Variants in AK2 observed in about 807,000 individuals in gnomAD.
AK2 encodes adenylate kinase 2, mitochondrial.
Under a neutral mutation model 24.6 loss-of-function variants are expected in AK2, and 15 were observed. That is an observed-to-expected ratio of 0.61 (90% CI 0.41 to 0.94). AK2 has a LOEUF of 0.94. AK2 is among the 40% of genes least tolerant of loss of function. AK2 has a pLI of 0.00. For missense variants in AK2, 257 were observed against 304.1 expected (o/e 0.85, Z 1.15); for synonymous variants, 102 against 114.0 (o/e 0.90, Z 0.67).
chr1:33,022,763 C>A (rs1639640930), intron 2 of AK2, among the ~76,000 whole-genome samples: 2 of 152,152 alleles, frequency 1.3e-5, no homozygotes, highest in South Asian at 4.1e-4. Flanking sequence ...AAGTCTCCAG[C>A]CTGTAGTGAA....
At chr1:33,033,172 A>G (rs763576435) in intron 1 of AK2, among the ~76,000 whole-genome samples, 6 of 95,028 alleles carry the variant, frequency 6.3e-5, no homozygotes, top group Non-Finnish European at 1.6e-4. Context: ...AAAAAAAAAA[A>G]AGAAAAGAAA....
intron 1 of AK2, chr1:33,032,565 C>G (rs1188262494): frequency 6.6e-6 from 1 of 152,096 alleles, no homozygotes; most frequent in African/African-American, 2.4e-5. Flanking sequence ...GACCAGGGAA[C>G]AATATAATTA....
At chr1:33,017,493 T>C (rs1228769129) in intron 4 of AK2, among the ~76,000 whole-genome samples, 3 of 152,200 alleles carry the variant, frequency 2.0e-5, no homozygotes, top group African/African-American at 7.2e-5. Flanking sequence ...TTTTACCTTC[T>C]AGAGAGCACA....
rs757812264 is a variant in AK2 at position 33,009,593 on chromosome 1, A to C, written c.*3588T>G. On this transcript the variant is annotated 3_prime_UTR_variant, in exon 6 of 6. Transcript: ENST00000672715. The stretch of plus-strand genomic sequence containing the variant: ...TTCATTTAATGCCATTAAGGCCAAG[A>C]AGGTGGCATAACCAACTTCCTTTTT... 4.4e-6 allele frequency: 2 copies of C among 454,154 alleles called. No individual in the cohort carries two copies. The highest frequency in any genetic ancestry group is 3.1e-5 in the South Asian group (2 of 64,480). The allele number at this position is 454,154 out of a possible 1,614,324, so 28.1% of individuals were successfully genotyped here. A position where few individuals can be genotyped will look rare whatever the true frequency, so the allele number is the denominator to read the frequency against.
At chr1:33,022,841 A>G (rs1188921291) in intron 2 of AK2, among the ~76,000 whole-genome samples, 2 of 152,216 alleles carry the variant, frequency 1.3e-5, no homozygotes, top group Non-Finnish European at 2.9e-5. Flanking sequence ...GACAAAGTAC[A>G]CACTCTGCAA....
intron 4 of AK2, among the ~76,000 whole-genome samples, chr1:33,014,974 A>C (rs1037318177): frequency 6.6e-6 from 1 of 152,246 alleles, no homozygotes; most frequent in African/African-American, 2.4e-5. Context: ...CTACAAAGCA[A>C]TGAGTAATGA....
intron 4 of AK2, among the ~76,000 whole-genome samples, chr1:33,016,787 C>G (rs1639217513): frequency 6.6e-6 from 1 of 151,112 alleles, no homozygotes; most frequent in African/African-American, 2.4e-5. Flanking sequence ...CTCACTGCAA[C>G]CTCTGCCTCC....
At chr1:33,023,971 G>C (rs1639707905) in intron 2 of AK2, 1 of 199,130 alleles carries the variant, frequency 5.0e-6, no homozygotes, top group Non-Finnish European at 1.0e-5. Context: ...AGGAGTTTGA[G>C]ACCAGCCTGG....
At chr1:33,027,355 T>C (rs1639958235) in intron 1 of AK2, among the ~76,000 whole-genome samples, 1 of 152,180 alleles carries the variant, frequency 6.6e-6, no homozygotes, top group Admixed American at 6.5e-5. Flanking sequence ...ACCTGTTCTA[T>C]TTTTATCACT....
rs891817010 is a variant in AK2 at position 33,008,758 on chromosome 1, T to C, written c.*4423A>G. 17 of 454,000 alleles carry C rather than the reference T, an allele frequency of 3.7e-5. No homozygotes were observed. The highest frequency in any genetic ancestry group is 1.4e-4 in the South Asian group (9 of 64,482). The allele number at this position is 454,000 out of a possible 1,614,324, so 28.1% of individuals were successfully genotyped here. ...GGGTTACGTGAAGTCGAGGGTTACATGAAGCCTTTGCATAATACCTGGCAC... is the reference window on the plus strand; with the variant it reads ...GGGTTACGTGAAGTCGAGGGTTACACGAAGCCTTTGCATAATACCTGGCAC... On this transcript the variant is annotated 3_prime_UTR_variant, in exon 6 of 6. Coordinates refer to ENST00000672715, the MANE Select transcript of AK2 (RefSeq NM_001625.4).
chr1:33,026,986 C>T (rs1639931185), intron 1 of AK2, among the ~76,000 whole-genome samples: 2 of 152,108 alleles, frequency 1.3e-5, no homozygotes, highest in African/African-American at 2.4e-5. Flanking sequence ...ATTAGCTGGG[C>T]GTGCTGGCAC....
intron 1 of AK2, among the ~76,000 whole-genome samples, chr1:33,026,184 A>T (rs1370850187): frequency 6.6e-6 from 1 of 152,098 alleles, no homozygotes; most frequent in Admixed American, 6.6e-5. Flanking sequence ...GTTCACTGGG[A>T]GTTTTCTTTT....
intron 5 of AK2, among the ~76,000 whole-genome samples, chr1:33,013,669 T>C (rs548266904): frequency 9.8e-5 from 15 of 152,304 alleles, no homozygotes; most frequent in Admixed American, 9.8e-4. Context: ...AGATAGGCAA[T>C]GACTTTCTCA....
In AK2 at chr1:33,010,376, G is replaced by T; in HGVS notation, c.*2805C>A. 2.2e-6 allele frequency: 1 copy of T among 446,680 alleles called. No individual in the cohort carries two copies. The highest frequency in any genetic ancestry group is 4.4e-6 in the Non-Finnish European group (1 of 227,846). 27.7% of individuals were successfully genotyped at this position (446,680 alleles called of 1,614,324 possible). A position where few individuals can be genotyped will look rare whatever the true frequency, so the allele number is the denominator to read the frequency against. On this transcript the variant is annotated 3_prime_UTR_variant, in exon 6 of 6. Coordinates refer to ENST00000672715, the MANE Select transcript of AK2 (RefSeq NM_001625.4). ...TTTTGATCTTACAGTGTGTGGAACC[G>T]GAGTCAGTAATCAAAGCTCCCTGTT... is the stretch of plus-strand genomic sequence containing the variant.
At chr1:33,022,351 CTTTTT>C (rs397862465) in intron 2 of AK2, among the ~76,000 whole-genome samples, 17 of 112,372 alleles carry the variant, frequency 1.5e-4, no homozygotes, top group African/African-American at 4.8e-4. Context: ...TCTTCCCTCA[CTTTTT>C]TTTTTTTTTT....
chr1:33,020,084 G>A, intron 4 of AK2: 1 of 1,535,376 alleles, frequency 6.5e-7, no homozygotes, highest in Non-Finnish European at 8.7e-7. Flanking sequence ...AAACAGGGTA[G>A]AGACAACTGT....
intron 4 of AK2, chr1:33,020,270 A>T: frequency 1.2e-6 from 1 of 846,830 alleles, no homozygotes; most frequent in Non-Finnish European, 1.8e-6. Context: ...CCATTTTCTA[A>T]ACTTTGTACA....
rs752771760 is a variant in AK2 at position 33,010,694 on chromosome 1, A to G, written c.*2487T>C. ...CAATAACACTGCTGTTGTTCCAAGT[A>G]TTCCTCTGAGCCCCTCACCAGCCCT... On this transcript the variant is annotated 3_prime_UTR_variant, in exon 6 of 6. Transcript: ENST00000672715. The G allele has an allele frequency of 1.1e-5, 17 of 1,604,202 alleles. No homozygotes were observed. The highest frequency in any genetic ancestry group is 1.4e-5 in the Non-Finnish European group (17 of 1,174,106).
At chr1:33,017,144 A>C (rs950354778) in intron 4 of AK2, among the ~76,000 whole-genome samples, 4 of 152,182 alleles carry the variant, frequency 2.6e-5, no homozygotes, top group African/African-American at 9.7e-5. Flanking sequence ...CTGAATTTTA[A>C]AATTTGTATT....
Sources: gnomAD v4.1 joint callset for allele counts (sites outside exome capture counted in the v4.1 genomes callset) on GRCh38, gnomAD v4.1.1 for gene constraint, MANE v1.5 for transcripts, NCBI Gene and HGNC (gene_info 2026-07-23, HGNC 2026-07-21) for gene names.